The following E2F8 variants were observed in gnomAD, a reference collection of about 807,000 sequenced individuals.
The protein encoded by E2F8 is transcription factor E2F8.
A neutral mutation model predicts 80.8 loss-of-function variants in E2F8; 35 were observed. The ratio of observed to expected loss-of-function variants is 0.43; its 90% confidence interval spans 0.33 to 0.57. The LOEUF (loss-of-function observed/expected upper bound fraction) is 0.57, where lower values mean the gene tolerates loss of function less well. Among genes scored for constraint, E2F8 ranks in the 20% least tolerant of loss-of-function variants. The pLI, the probability that E2F8 is intolerant of heterozygous loss-of-function variation, is 0.04. For missense variants in E2F8, 975 were observed against 1,056.2 expected (o/e 0.92, Z 1.07); for synonymous variants, 386 against 395.0 (o/e 0.98, Z 0.27).
intron 12 of E2F8, 159 bp downstream of exon 12, chr11:19,225,062 A>C: frequency 8.4e-7 from 1 of 1,184,570 alleles, no homozygotes; most frequent in Non-Finnish European, 1.2e-6. Flanking sequence ...TGCCTTGGAC[A>C]CTCTTCCTGG....
chr11:19,233,680 G>A lies in E2F8; in HGVS notation c.928+680C>T, dbSNP rs112301080. ...TTTTTTTGTATTTTTAGTAGAGACGGGGTTTCACTGTGTTAGCCAGGTTGG... is the reference window on the plus strand; with the variant it reads ...TTTTTTTGTATTTTTAGTAGAGACGAGGTTTCACTGTGTTAGCCAGGTTGG... On this transcript the variant is annotated intron_variant, in intron 6 of 12. Transcript: ENST00000250024. Among the ~76,000 whole-genome samples the A allele has an allele frequency of 5.7e-3, 866 of 151,946 alleles. 10 individuals carry two copies. Among genetic ancestry groups the A allele is most frequent in the African/African-American group, 0.02 (823 of 41,466 alleles).
intron 8 of E2F8, 146 bp from the exon 9 acceptor site, chr11:19,230,474 A>G: frequency 8.4e-7 from 1 of 1,197,388 alleles, no homozygotes; most frequent in East Asian, 2.5e-5. Flanking sequence ...CCCACAAATG[A>G]CTTTTTAAAT....
At position 19,229,718 on chromosome 11, in the gene E2F8, C is replaced by T. The variant is rs140276845; in HGVS notation, c.1629G>A (p.Thr543=). Residue 543 remains threonine (T), a synonymous_variant, in exon 10 of 13, where the codon ACG becomes ACA. Transcript: ENST00000250024. This position sits in a 1 kb window ranked among gnomAD's most constrained non-coding sequence, Gnocchi z 4.3. The stretch of plus-strand genomic sequence containing the variant: ...CTTTAGAAGAGTGGGTGGTGCACAC[C>T]GTTGGGCTCAGGCCTTGGGGTGGCG... ...SVTPPQGLSP[T]VCTTHSSKAT... is the part of the protein sequence containing the mutation. The T allele has an allele frequency of 3.6e-5, 58 of 1,613,964 alleles. No homozygotes were observed. Among genetic ancestry groups the T allele is most frequent in the South Asian group, 4.4e-5 (4 of 91,064 alleles).
chr11:19,225,671 G>A, intron 11 of E2F8, 56 bp from the exon 12 acceptor site: 1 of 1,609,812 alleles, frequency 6.2e-7, no homozygotes, highest in South Asian at 1.1e-5. Context: ...CCAAGAAGTT[G>A]ACAAGGCTTA....
rs762082387 is a variant in E2F8 at position 19,229,516 on chromosome 11, C to T, written c.1831G>A (p.Glu611Lys). ...ERGSKRASMLEDSGSKKKFKE... is the reference protein window; with the variant it reads ...ERGSKRASMLKDSGSKKKFKE... ...AATTTCTTTTTGGAACCACTGTCCT[C>T]GAGCATGCTTGCCCTCTTTGAGCCT... Residue 611 changes from glutamate to lysine, a missense_variant, in exon 10 of 13, where the codon GAG becomes AAG. Glu to Lys is a moderately conservative substitution (Grantham distance 56). Coordinates refer to ENST00000250024, the MANE Select transcript of E2F8 (RefSeq NM_024680.4). The surrounding 1 kb of genome is among the most constrained non-coding windows in gnomAD (Gnocchi z 4.3). 29 of 1,614,142 alleles carry T rather than the reference C, an allele frequency of 1.8e-5. No individual in the cohort carries two copies. Among genetic ancestry groups the T allele is most frequent in the South Asian group, 5.5e-5 (5 of 91,092 alleles).
Position 19,235,046 on chromosome 11 carries a change from C to A in E2F8, c.464G>T (p.Arg155Leu). Residue 155 changes from arginine (R) to leucine (L), a missense_variant, in exon 5 of 13, where the codon CGA becomes CTA. Transcript: ENST00000250024. ...GACGTTCACGATATCGTAAATGCGT[C>A]GACGTTCAACATCTACAAAGAATGT... ...EVAEELNVER[R>L]RIYDIVNVLE... 1 of 1,603,830 alleles carries A rather than the reference C, an allele frequency of 6.2e-7. No individual in the cohort carries two copies. The highest frequency in any genetic ancestry group is 8.5e-7 in the Non-Finnish European group (1 of 1,174,490).
chr11:19,225,081 AG>A, intron 12 of E2F8, 139 bp downstream of exon 12: 1 of 1,311,308 alleles, frequency 7.6e-7, no homozygotes, highest in South Asian at 1.4e-5. Flanking sequence ...GGGTTCTGGA[AG>A]AAACATAGGC....
chr11:19,227,666 TTG>T (rs1167889133), intron 10 of E2F8, among the ~76,000 whole-genome samples: 3 of 152,206 alleles, frequency 2.0e-5, no homozygotes, highest in African/African-American at 7.2e-5. Flanking sequence ...CCTGATATGT[TTG>T]TGTTTACTTG....
intron 4 of E2F8, 80 bp downstream of exon 4, chr11:19,237,234 A>G (rs1851541476): frequency 2.2e-6 from 3 of 1,347,700 alleles, no homozygotes; most frequent in East Asian, 4.6e-5. Flanking sequence ...CACTGGCTAG[A>G]TGAGCGGGGG....
chr11:19,230,986 G>A (rs965745343), intron 7 of E2F8, 152 bp from the exon 8 acceptor site: 4 of 669,614 alleles, frequency 6.0e-6, no homozygotes, highest in East Asian at 2.7e-5. Flanking sequence ...AGAAAGCCTT[G>A]TTTATCTTAT....
Position 19,240,107 on chromosome 11 carries a change from C to A in E2F8, c.15G>T (p.Lys5Asn). The change falls in exon 2 of 13, where the codon AAG becomes AAT. Residue 5 changes from lysine to asparagine, a missense_variant and splice_region_variant. Coordinates refer to ENST00000250024, the MANE Select transcript of E2F8 (RefSeq NM_024680.4). Reference sequence around the variant, plus strand: ...GATGAATACTGAAGTTATAAAGTACCTTTTCGTTCTCCATTCTGTAAATTC... The same window carrying A: ...GATGAATACTGAAGTTATAAAGTACATTTTCGTTCTCCATTCTGTAAATTC... MENEKENLFCEPHKR... is the reference protein window; with the variant it reads MENENENLFCEPHKR... 3 of 1,524,326 alleles carry A rather than the reference C, an allele frequency of 2.0e-6. No homozygotes were observed. The highest frequency in any genetic ancestry group is 2.5e-5 in the East Asian group (1 of 40,506). 94.4% of individuals were successfully genotyped at this position (1,524,326 alleles called of 1,614,324 possible). A position where few individuals can be genotyped will look rare whatever the true frequency, so the allele number is the denominator to read the frequency against.
intron 9 of E2F8, 117 bp from the exon 10 acceptor site, chr11:19,230,105 A>C (rs556879228): frequency 6.6e-7 from 1 of 1,508,940 alleles, no homozygotes; most frequent in Admixed American, 1.8e-5. Context: ...TAATTTCTGT[A>C]ATGAGTGAGT....
At chr11:19,237,613 G>A (rs1435494392) in intron 3 of E2F8, 143 bp from the exon 4 acceptor site, 1 of 1,062,966 alleles carries the variant, frequency 9.4e-7, no homozygotes, top group Non-Finnish European at 1.3e-6. Flanking sequence ...AAAAGGTTAG[G>A]GGGGCCAGTA....
At chr11:19,238,983 A>G (rs1369230018) in intron 2 of E2F8, among the ~76,000 whole-genome samples, 2 of 152,242 alleles carry the variant, frequency 1.3e-5, no homozygotes, top group African/African-American at 2.4e-5. Context: ...CAGTTCATAA[A>G]TAAGGCTAAT....
At position 19,225,355 on chromosome 11, in the gene E2F8, G is replaced by GA; in HGVS notation, c.2286dup (p.Pro763SerfsTer7). The GA allele has an allele frequency of 6.2e-7, 1 of 1,614,170 alleles. No homozygotes were observed. The highest frequency in any genetic ancestry group is 8.5e-7 in the Non-Finnish European group (1 of 1,180,038). On this transcript the variant is annotated frameshift_variant, in exon 12 of 13. Transcript: ENST00000250024. LOFTEE classifies it high-confidence loss of function. ...GCGACATTAACAGACTCTATTCTTG[G>GA]AGACACAGGAACGATTCCAGACCCA... is the stretch of plus-strand genomic sequence containing the variant.
intron 10 of E2F8, among the ~76,000 whole-genome samples, chr11:19,227,359 C>G (rs557887822): frequency 6.6e-6 from 1 of 152,262 alleles, no homozygotes; most frequent in South Asian, 2.1e-4. Context: ...TTATGAAGAC[C>G]TGCGCTCTAT....
intron 10 of E2F8, among the ~76,000 whole-genome samples, chr11:19,228,809 T>C (rs1466856538): frequency 6.6e-6 from 1 of 152,236 alleles, no homozygotes; most frequent in Admixed American, 6.5e-5. Context: ...ATATCTATTA[T>C]GTCTGCTATA....
rs376927912 is a variant in E2F8, at chr11:19,229,457, G to A, written c.1890C>T (p.Ser630=). Reference sequence around the variant, plus strand: ...TGCAGTTCAAGGCTGTACTTACTGCGGAGACATTTTCAAGTCCTTTTAGGT... The same window carrying A: ...TGCAGTTCAAGGCTGTACTTACTGCAGAGACATTTTCAAGTCCTTTTAGGT... ...KEDLKGLENV[S]ATLFPSGYLI... is the part of the protein sequence containing the mutation. The change falls in exon 10 of 13, where the codon TCC becomes TCT. Residue 630 remains serine, a synonymous_variant. Transcript: ENST00000250024. This position sits in a 1 kb window ranked among gnomAD's most constrained non-coding sequence, Gnocchi z 4.3. 1.1e-5 allele frequency: 17 copies of A among 1,611,862 alleles called. No homozygotes were observed. Among genetic ancestry groups the A allele is most frequent in the Middle Eastern group, 3.3e-4 (2 of 6,068 alleles).
Position 19,234,873 on chromosome 11 carries a change from CTT to C in E2F8, c.635_636del (p.Lys212ArgfsTer3), listed in dbSNP as rs1428161911. 6.2e-7 allele frequency: 1 copy of C among 1,614,164 alleles called. No homozygotes were observed. The highest frequency in any genetic ancestry group is 8.5e-7 in the Non-Finnish European group (1 of 1,180,020). On this transcript the variant is annotated frameshift_variant, in exon 5 of 13. Transcript: ENST00000250024. LOFTEE classifies it high-confidence loss of function. ...YAEQIMMIKKKEYEQEFDFIK... is the reference protein window; with the variant it reads ...YAEQIMMIKKXEYEQEFDFIK... ...ATAAAGTCAAACTCTTGCTCATATT[CTT>C]TCTTTTTGATCATCATAATCTGCTC... is the stretch of plus-strand genomic sequence containing the variant.
Sources: gnomAD v4.1 joint callset for allele counts (sites outside exome capture counted in the v4.1 genomes callset) on GRCh38, gnomAD v4.1.1 for gene constraint, Gnocchi (gnomAD v3.1) non-coding constraint, MANE v1.5 for transcripts, NCBI Gene and HGNC (gene_info 2026-07-23, HGNC 2026-07-21) for gene names.